Variants in RALGAPA2 observed in about 807,000 individuals in gnomAD.
RALGAPA2 encodes the protein Ral GTPase activating protein catalytic subunit alpha 2, also known as ral GTPase-activating protein subunit alpha-2.
A neutral mutation model predicts 230.4 loss-of-function variants in RALGAPA2; 139 were observed. That is an observed-to-expected ratio of 0.60 (90% CI 0.53 to 0.69). RALGAPA2 has a LOEUF of 0.69. Ranked by LOEUF, RALGAPA2 falls within the 30% of genes least tolerant of loss-of-function variation. The pLI is 0.00. For missense variants in RALGAPA2, 2,163 were observed against 2,276.0 expected (o/e 0.95, Z 1.01); for synonymous variants, 847 against 837.8 (o/e 1.01, Z -0.19).
intron 13 of RALGAPA2, among the ~76,000 whole-genome samples, chr20:20,612,523 T>C (rs2066006605): frequency 6.6e-6 from 1 of 152,208 alleles, no homozygotes; most frequent in Non-Finnish European, 1.5e-5. Flanking sequence ...CTCATAAAAT[T>C]CCTCACAGTA....
intron 20 of RALGAPA2, among the ~76,000 whole-genome samples, chr20:20,579,625 T>C (rs2064924481): frequency 6.6e-6 from 1 of 152,194 alleles, no homozygotes; most frequent in Non-Finnish European, 1.5e-5. Flanking sequence ...TTTTTTATGG[T>C]TAGCTATTTT....
intron 37 of RALGAPA2, among the ~76,000 whole-genome samples, chr20:20,440,277 A>C (rs1172694804): frequency 6.6e-6 from 1 of 152,216 alleles, no homozygotes; most frequent in Non-Finnish European, 1.5e-5. Context: ...TCGGGCCAAA[A>C]TAAAGTTTTT....
At chr20:20,456,374 C>A (rs1249982746) in intron 37 of RALGAPA2, among the ~76,000 whole-genome samples, 1 of 152,240 alleles carries the variant, frequency 6.6e-6, no homozygotes, top group Non-Finnish European at 1.5e-5. Context: ...GAGCCCCTCA[C>A]CCAGTGTGGT....
In RALGAPA2 at chr20:20,524,546, G is replaced by A; in HGVS notation, c.3763-3C>T. On this transcript the variant is annotated splice_polypyrimidine_tract_variant and splice_region_variant and intron_variant, in intron 29 of 39. Transcript: ENST00000202677. Reference sequence around the variant, plus strand: ...CAGAGTAGCAAGGACACAATAAACTGGAAGAAGAACATGCCCGGTAGCTTA... The same window carrying A: ...CAGAGTAGCAAGGACACAATAAACTAGAAGAAGAACATGCCCGGTAGCTTA... 5.6e-6 allele frequency: 9 copies of A among 1,613,780 alleles called. No individual in the cohort carries two copies. The highest frequency in any genetic ancestry group is 7.6e-6 in the Non-Finnish European group (9 of 1,179,820).
At chr20:20,434,599 C>G (rs2060568927) in intron 37 of RALGAPA2, among the ~76,000 whole-genome samples, 1 of 152,098 alleles carries the variant, frequency 6.6e-6, no homozygotes, top group Non-Finnish European at 1.5e-5. Context: ...TTAAAGCAGT[C>G]TGCCATTGCC....
intron 32 of RALGAPA2, 33 bp from the exon 33 acceptor site, chr20:20,511,358 G>T: frequency 1.7e-5 from 26 of 1,533,864 alleles, no homozygotes; most frequent in Non-Finnish European, 2.2e-5. Context: ...GAAAAACCAT[G>T]TGATTACAGA....
chr20:20,531,593 TG>T, intron 27 of RALGAPA2, 93 bp downstream of exon 27: 1 of 1,051,900 alleles, frequency 9.5e-7, no homozygotes. Context: ...CTCTGTCATT[TG>T]GGGGATAAAA....
intron 28 of RALGAPA2, among the ~76,000 whole-genome samples, chr20:20,525,509 A>G (rs751179233): frequency 2.6e-5 from 4 of 152,264 alleles, no homozygotes; most frequent in Non-Finnish European, 4.4e-5. Context: ...TAGGGCTGAG[A>G]GAAAATAAAT....
intron 37 of RALGAPA2, 34 bp downstream of exon 37, chr20:20,472,795 G>A: frequency 6.3e-7 from 1 of 1,596,124 alleles, no homozygotes; most frequent in South Asian, 1.1e-5. Context: ...TTCTGGGATG[G>A]TTAGTAAGTT....
At chr20:20,648,113 G>A (rs552174023) in intron 4 of RALGAPA2, among the ~76,000 whole-genome samples, 2 of 152,186 alleles carry the variant, frequency 1.3e-5, no homozygotes, top group South Asian at 4.2e-4. Flanking sequence ...ATAAATTATG[G>A]AATTATGACA....
intron 23 of RALGAPA2, among the ~76,000 whole-genome samples, chr20:20,552,681 G>A (rs940568245): frequency 6.6e-5 from 10 of 152,130 alleles, no homozygotes; most frequent in African/African-American, 1.7e-4. Flanking sequence ...AGACAGCCAC[G>A]ATCCTGCAGT....
intron 37 of RALGAPA2, among the ~76,000 whole-genome samples, chr20:20,427,769 G>C (rs2060417490): frequency 7.0e-6 from 1 of 141,908 alleles, no homozygotes; most frequent in South Asian, 2.3e-4. Flanking sequence ...AGGATGGATT[G>C]TGCAAGGGAA....
intron 23 of RALGAPA2, among the ~76,000 whole-genome samples, chr20:20,552,891 T>A (rs187667272): frequency 1.3e-5 from 2 of 152,250 alleles, no homozygotes; most frequent in East Asian, 1.9e-4. Flanking sequence ...TACTACAAGC[T>A]GCTACCTGGC....
At chr20:20,604,063 T>G (rs897292765) in intron 15 of RALGAPA2, among the ~76,000 whole-genome samples, 3 of 152,194 alleles carry the variant, frequency 2.0e-5, no homozygotes, top group Admixed American at 6.5e-5. Context: ...TCAAATCCAA[T>G]GTTTGACTTT....
intron 36 of RALGAPA2, among the ~76,000 whole-genome samples, chr20:20,479,723 A>G (rs1227099462): frequency 6.6e-6 from 1 of 152,234 alleles, no homozygotes; most frequent in African/African-American, 2.4e-5. Flanking sequence ...GGAGAAAAGA[A>G]ATGTCCCCCT....
At chr20:20,666,794 G>A (rs2067969463) in intron 3 of RALGAPA2, among the ~76,000 whole-genome samples, 1 of 152,220 alleles carries the variant, frequency 6.6e-6, no homozygotes, top group South Asian at 2.1e-4. Flanking sequence ...CTGTTGACTT[G>A]CCTAGAATTC....
chr20:20,512,541 C>G lies in RALGAPA2; in HGVS notation c.4828G>C (p.Asp1610His). 1 of 1,607,982 alleles carries G rather than the reference C, an allele frequency of 6.2e-7. No homozygotes were observed. Among genetic ancestry groups the G allele is most frequent in the Non-Finnish European group, 8.5e-7 (1 of 1,177,920 alleles). Residue 1610 changes from aspartate (D) to histidine (H), a missense_variant, in exon 32 of 40, where the codon GAC becomes CAC. Transcript: ENST00000202677. ...CTGTCCCAAGAATTCATTCCCAAGT[C>G]ATCAAGCAATAACCTGCAGAAATAA... ...PFYFCRLLLDDLGMNSWDRRK... is the reference protein window; with the variant it reads ...PFYFCRLLLDHLGMNSWDRRK...
Position 20,526,325 on chromosome 20 carries a change from A to AC in RALGAPA2, c.3619dup (p.Val1207GlyfsTer16), listed in dbSNP as rs1569463365. The AC allele has an allele frequency of 6.2e-7, 1 of 1,607,760 alleles. No individual in the cohort carries two copies. The highest frequency in any genetic ancestry group is 1.1e-5 in the South Asian group (1 of 88,938). On this transcript the variant is annotated frameshift_variant, in exon 28 of 40. Coordinates refer to ENST00000202677, the MANE Select transcript of RALGAPA2 (RefSeq NM_020343.4). LOFTEE classifies it high-confidence loss of function. ...CCAGTAGGAAACCAGCAACTGAAGG[A>AC]CATCGCAAGCTACCTGGGCCACGAT... is the stretch of plus-strand genomic sequence containing the variant.
intron 1 of RALGAPA2, among the ~76,000 whole-genome samples, chr20:20,695,447 C>G (rs998883950): frequency 2.0e-5 from 3 of 152,202 alleles, no homozygotes; most frequent in Non-Finnish European, 4.4e-5. Context: ...GATGAAATTT[C>G]CAGTCACAAT....
Sources: gnomAD v4.1 joint callset for allele counts (sites outside exome capture counted in the v4.1 genomes callset) on GRCh38, gnomAD v4.1.1 for gene constraint, MANE v1.5 for transcripts, NCBI Gene and HGNC (gene_info 2026-07-23, HGNC 2026-07-21) for gene names.